The following KIF15 variants were observed in gnomAD, a reference collection of about 807,000 sequenced individuals.
KIF15 encodes kinesin family member 15.
KIF15 carries 140 observed loss-of-function variants against 190.6 expected under a neutral mutation model. The observed-to-expected ratio is 0.73, with a 90% CI of 0.64 to 0.84. KIF15 has a LOEUF of 0.84. Ranked by LOEUF, KIF15 falls within the 40% of genes least tolerant of loss-of-function variation. KIF15 has a pLI of 0.00. For missense variants in KIF15, 1,372 were observed against 1,584.4 expected, an observed-to-expected ratio of 0.87 and a Z score of 2.28; for synonymous variants, 528 against 551.3, an observed-to-expected ratio of 0.96 and a Z score of 0.59.
chr3:44,786,254 C>A, intron 6 of KIF15, 141 bp from the exon 7 acceptor site: 1 of 549,630 alleles, frequency 1.8e-6, no homozygotes, highest in Non-Finnish European at 3.0e-6. Flanking sequence ...ATTTTTTTTA[C>A]TTTTAGGTAT....
rs567681848 is a variant in KIF15 at position 44,792,844 on chromosome 3, C to T, written c.640-1373C>T. On this transcript the variant is annotated intron_variant, in intron 7 of 34. Coordinates refer to ENST00000326047, the MANE Select transcript of KIF15 (RefSeq NM_020242.3). Reference sequence around the variant, plus strand: ...TACAGGCGTGAGCCACCGTGCCCTGCCAACAGCTATGATTTATTGAGTGAA... The same window carrying T: ...TACAGGCGTGAGCCACCGTGCCCTGTCAACAGCTATGATTTATTGAGTGAA... Among the ~76,000 whole-genome samples the T allele has an allele frequency of 2.2e-3, 342 of 152,314 alleles. 10 individuals are homozygous for T. Among genetic ancestry groups the T allele is most frequent in the Admixed American group, 0.022 (337 of 15,304 alleles).
chr3:44,810,254 A>C (rs561179898), intron 16 of KIF15, among the ~76,000 whole-genome samples: 178 of 151,840 alleles, frequency 1.2e-3, no homozygotes, highest in African/African-American at 4.0e-3. Flanking sequence ...TGTTCTTTTT[A>C]TTTTTATTTT....
chr3:44,841,356 T>C (rs879360882), intron 29 of KIF15, 118 bp downstream of exon 29: 10 of 667,774 alleles, frequency 1.5e-5, no homozygotes, highest in Non-Finnish European at 2.6e-5. Context: ...TCTGGCACTA[T>C]AGGTATATGC....
chr3:44,800,153 C>T (rs1395907959), intron 10 of KIF15, among the ~76,000 whole-genome samples, 161 bp from the exon 11 acceptor site: 2 of 152,268 alleles, frequency 1.3e-5, no homozygotes, highest in Admixed American at 1.3e-4. Context: ...AGCTTCCTCC[C>T]CACTTGAGCA....
At chr3:44,798,016 G>T in intron 10 of KIF15, 60 bp downstream of exon 10, 1 of 1,450,456 alleles carries the variant, frequency 6.9e-7, no homozygotes, top group African/African-American at 1.4e-5. Flanking sequence ...CTTACAGTAT[G>T]CCATTTTTGT....
intron 15 of KIF15, 26 bp from the exon 16 acceptor site, chr3:44,805,819 A>T (rs763826607): frequency 2.7e-5 from 43 of 1,600,644 alleles, no homozygotes; most frequent in Non-Finnish European, 3.4e-5. Context: ...ATTACCTGAA[A>T]TACTCCGTTT....
chr3:44,801,142 T>C (rs1432472395), intron 11 of KIF15, among the ~76,000 whole-genome samples: 1 of 149,336 alleles, frequency 6.7e-6, no homozygotes, highest in Non-Finnish European at 1.5e-5. Flanking sequence ...TGAGTAGCTG[T>C]GACTACAGAC....
intron 1 of KIF15, among the ~76,000 whole-genome samples, chr3:44,771,075 T>G (rs531342824): frequency 6.6e-6 from 1 of 152,332 alleles, no homozygotes; most frequent in African/African-American, 2.4e-5. Flanking sequence ...CCTATGAAAG[T>G]TCTATGGCTG....
chr3:44,830,390 G>A (rs890106514), intron 25 of KIF15, among the ~76,000 whole-genome samples: 1 of 152,208 alleles, frequency 6.6e-6, no homozygotes, highest in African/African-American at 2.4e-5. Flanking sequence ...GTTGCTGGCC[G>A]TAACAGTTAA....
intron 7 of KIF15, among the ~76,000 whole-genome samples, chr3:44,792,065 A>C (rs1559537523): frequency 6.6e-6 from 1 of 151,034 alleles, no homozygotes; most frequent in African/African-American, 2.4e-5. Flanking sequence ...AGTTTGGAGG[A>C]TCTCTCTCTC....
intron 20 of KIF15, among the ~76,000 whole-genome samples, chr3:44,824,173 G>T (rs1697521872): frequency 6.6e-6 from 1 of 152,132 alleles, no homozygotes. Context: ...TCTTAGGCCT[G>T]CCCAGTGGCT....
intron 3 of KIF15, 125 bp downstream of exon 3, chr3:44,775,562 T>C: frequency 1.6e-6 from 1 of 632,382 alleles, no homozygotes. Context: ...TTCAAGTGAT[T>C]CTCCTGCCTC....
intron 7 of KIF15, among the ~76,000 whole-genome samples, chr3:44,787,561 G>A (rs1164619347): frequency 2.0e-5 from 3 of 152,032 alleles, no homozygotes; most frequent in Non-Finnish European, 4.4e-5. Context: ...TACATGTGAC[G>A]TAGTATGTGT....
Position 44,801,899 on chromosome 3 carries a change from G to A in KIF15, c.1434G>A (p.Arg478=). Residue 478 remains arginine (R), a synonymous_variant, in exon 13 of 35, where the codon CGG becomes CGA. Transcript: ENST00000326047. The part of the protein sequence containing the change: ...IRLEKLHKES[R]GGFLPEEQDR... Reference sequence around the variant, plus strand: ...TGGAAAAGCTCCACAAGGAATCCCGGGGAGGTTTTCTGCCTGAGGAGCAGG... The same window carrying A: ...TGGAAAAGCTCCACAAGGAATCCCGAGGAGGTTTTCTGCCTGAGGAGCAGG... The A allele has an allele frequency of 6.2e-7, 1 of 1,613,876 alleles. No individual in the cohort carries two copies. Among genetic ancestry groups the A allele is most frequent in the African/African-American group, 1.3e-5 (1 of 75,032 alleles).
chr3:44,782,640 G>A (rs988118760), intron 5 of KIF15, among the ~76,000 whole-genome samples: 1 of 152,204 alleles, frequency 6.6e-6, no homozygotes, highest in Non-Finnish European at 1.5e-5. Context: ...ATAAAGCAAT[G>A]TAAAGGGATG....
chr3:44,800,046 A>C (rs1707191577), intron 10 of KIF15, among the ~76,000 whole-genome samples: 1 of 152,076 alleles, frequency 6.6e-6, no homozygotes, highest in South Asian at 2.1e-4. Context: ...CCTAAGGGTG[A>C]CCCAGCCTAA....
chr3:44,799,746 TAGTGTGG>T (rs1422881767), intron 10 of KIF15, among the ~76,000 whole-genome samples: 1 of 149,050 alleles, frequency 6.7e-6, no homozygotes, highest in African/African-American at 2.5e-5. Context: ...GATAATCATT[TAGTGTGG>T]TAAAAAATTA....
intron 15 of KIF15, among the ~76,000 whole-genome samples, 158 bp downstream of exon 15, chr3:44,805,326 CTT>C (rs1050187960): frequency 6.6e-6 from 1 of 152,154 alleles, no homozygotes; most frequent in Non-Finnish European, 1.5e-5. Flanking sequence ...GCTTCTAGCT[CTT>C]TACTAATATA....
At chr3:44,866,910 T>A (rs1386355121) in intron 6 of KIF15, among the ~76,000 whole-genome samples, 1 of 152,188 alleles carries the variant, frequency 6.6e-6, no homozygotes, top group African/African-American at 2.4e-5. Flanking sequence ...CTCTTACCCT[T>A]GCCTTGGGTT....
Sources: gnomAD v4.1 joint callset for allele counts (sites outside exome capture counted in the v4.1 genomes callset) on GRCh38, gnomAD v4.1.1 for gene constraint, MANE v1.5 for transcripts, NCBI Gene and HGNC (gene_info 2026-07-23, HGNC 2026-07-21) for gene names.